Variants in GALNTL6 observed in about 807,000 individuals in gnomAD.
The protein encoded by GALNTL6 is polypeptide N-acetylgalactosaminyltransferase like 6, also known as polypeptide N-acetylgalactosaminyltransferase-like 6.
Under a neutral mutation model 73.7 loss-of-function variants are expected in GALNTL6, and 46 were observed. The ratio of observed to expected loss-of-function variants is 0.62; its 90% CI spans 0.49 to 0.80. GALNTL6 has a LOEUF of 0.80. GALNTL6 is among the 30% of genes least tolerant of loss of function. The pLI is 0.00. For synonymous variants in GALNTL6, 259 were observed against 263.7 expected (o/e 0.98, Z 0.17); for missense variants, 604 against 755.0 (o/e 0.80, Z 2.34).
intron 12 of GALNTL6, among the ~76,000 whole-genome samples, chr4:173,026,242 A>G (rs1234385174): frequency 6.6e-6 from 1 of 152,218 alleles, no homozygotes; most frequent in Non-Finnish European, 1.5e-5. Context: ...AGAGCCAATA[A>G]AGGGTGCATT....
At chr4:171,985,007 AG>A (rs1230550445) in intron 2 of GALNTL6, among the ~76,000 whole-genome samples, 17 of 151,736 alleles carry the variant, frequency 1.1e-4, no homozygotes, top group Admixed American at 2.0e-4. Flanking sequence ...AAAAAAAAAA[AG>A]AAAAGAAAAC....
At chr4:172,616,315 A>G (rs1738728236) in intron 5 of GALNTL6, among the ~76,000 whole-genome samples, 1 of 152,044 alleles carries the variant, frequency 6.6e-6, no homozygotes, top group South Asian at 2.1e-4. Context: ...TGTTTTTTAT[A>G]ACACCCCTTT....
intron 4 of GALNTL6, among the ~76,000 whole-genome samples, chr4:172,343,282 C>T (rs1475897627): frequency 6.6e-6 from 1 of 151,988 alleles, no homozygotes; most frequent in Non-Finnish European, 1.5e-5. Flanking sequence ...GTTGTAACAC[C>T]CTTTCCAAAA....
intron 2 of GALNTL6, among the ~76,000 whole-genome samples, chr4:172,105,617 T>C (rs1732654421): frequency 6.6e-6 from 1 of 151,888 alleles, no homozygotes; most frequent in Admixed American, 6.6e-5. Context: ...ACACAGATTA[T>C]CTACAAAAAG....
chr4:172,612,393 G>A (rs1310556207), intron 5 of GALNTL6, among the ~76,000 whole-genome samples: 1 of 152,132 alleles, frequency 6.6e-6, no homozygotes. Context: ...TACAGGTATA[G>A]TCTTGGAGCA....
chr4:172,117,859 A>G (rs1733029280), intron 2 of GALNTL6, among the ~76,000 whole-genome samples: 2 of 152,196 alleles, frequency 1.3e-5, no homozygotes, highest in South Asian at 2.1e-4. Flanking sequence ...AAACTAAACT[A>G]AAATGAAAAA....
chr4:172,779,704 C>T (rs1739274367), intron 5 of GALNTL6, among the ~76,000 whole-genome samples: 1 of 152,164 alleles, frequency 6.6e-6, no homozygotes, highest in African/African-American at 2.4e-5. Context: ...GTGCTGAAAG[C>T]CCATCTGTAA....
chr4:172,911,768 T>G (rs1167865958), intron 8 of GALNTL6, among the ~76,000 whole-genome samples: 1 of 152,268 alleles, frequency 6.6e-6, no homozygotes, highest in African/African-American at 2.4e-5. Context: ...ATTTTATGTC[T>G]ATTAGATATA....
intron 2 of GALNTL6, among the ~76,000 whole-genome samples, chr4:172,130,381 T>C (rs540002625): frequency 6.6e-6 from 1 of 152,054 alleles, no homozygotes; most frequent in Non-Finnish European, 1.5e-5. Context: ...CCAGGTAATC[T>C]GTAAAAAGAT....
At position 172,441,203 on chromosome 4, in the gene GALNTL6, CA is replaced by C. The variant is rs1731825298; in HGVS notation, c.553+92516del. The stretch of plus-strand genomic sequence containing the variant: ...TCTATTTCACTAAAGGTACTATCTT[CA>C]ATACTACCTTTACCATATCCAAATA... On this transcript the variant is annotated intron_variant, in intron 5 of 12. Coordinates refer to ENST00000506823, the MANE Select transcript of GALNTL6 (RefSeq NM_001034845.3). 2.0e-5 allele frequency among the ~76,000 whole-genome samples: 3 copies of C among 152,074 alleles called. No individual in the cohort carries two copies. In the Admixed American group the frequency reaches 2.0e-4, roughly 10 times the overall value.
chr4:172,906,397 T>A (rs1746895414), intron 8 of GALNTL6, among the ~76,000 whole-genome samples: 1 of 152,188 alleles, frequency 6.6e-6, no homozygotes, highest in African/African-American at 2.4e-5. Flanking sequence ...AAACTGACCT[T>A]CAAAAAGAAA....
chr4:172,516,564 A>T (rs1037884531), intron 5 of GALNTL6, among the ~76,000 whole-genome samples: 7 of 152,148 alleles, frequency 4.6e-5, no homozygotes, highest in African/African-American at 1.7e-4. Flanking sequence ...TAAGAAAAAA[A>T]TACATAGGTA....
At chr4:171,979,317 A>G (rs1560868713) in intron 2 of GALNTL6, among the ~76,000 whole-genome samples, 1 of 152,166 alleles carries the variant, frequency 6.6e-6, no homozygotes, top group South Asian at 2.1e-4. Flanking sequence ...AAACATTGTA[A>G]TTTCATACTT....
At chr4:173,015,647 G>T (rs1186263948) in intron 11 of GALNTL6, among the ~76,000 whole-genome samples, 1 of 152,118 alleles carries the variant, frequency 6.6e-6, no homozygotes, top group Non-Finnish European at 1.5e-5. Flanking sequence ...GATGATTTAG[G>T]GTATGTGGCA....
rs190725788 is a variant in GALNTL6, at chr4:171,827,721, T to A, written c.138+13003T>A. ...TCTTATCTAAAGGAAGTAACCTGGA[T>A]ACTATTCCAGCATTCAAGCTGAAAG... is the stretch of plus-strand genomic sequence containing the variant. On this transcript the variant is annotated intron_variant, in intron 2 of 12. Transcript: ENST00000506823. Among the ~76,000 whole-genome samples, 35 of 152,304 alleles carry A rather than the reference T, an allele frequency of 2.3e-4. No individual in the cohort carries two copies. The East Asian group carries it at 5.8e-3, about 25-fold the overall frequency.
intron 5 of GALNTL6, among the ~76,000 whole-genome samples, chr4:172,604,843 T>C (rs921359893): frequency 1.3e-5 from 2 of 152,190 alleles, no homozygotes; most frequent in African/African-American, 4.8e-5. Flanking sequence ...GAAATAGCAT[T>C]TCCACCATGG....
rs138082621 is a variant in GALNTL6 at position 172,429,314 on chromosome 4, C to T, written c.553+80625C>T. Reference sequence around the variant, plus strand: ...GCAACCTCTGCATTCCGGGTTCAAGCGATTCTCCTGCCTCAGCCTCCAGAG... The same window carrying T: ...GCAACCTCTGCATTCCGGGTTCAAGTGATTCTCCTGCCTCAGCCTCCAGAG... On this transcript the variant is annotated intron_variant, in intron 5 of 12. Transcript: ENST00000506823. Among the ~76,000 whole-genome samples, 551 of 151,870 alleles carry T rather than the reference C, an allele frequency of 3.6e-3. 2 individuals carry two copies. The highest frequency in any genetic ancestry group is 0.012 in the African/African-American group (507 of 41,402).
intron 5 of GALNTL6, among the ~76,000 whole-genome samples, chr4:172,411,257 T>C (rs1275630808): frequency 6.6e-6 from 1 of 152,104 alleles, no homozygotes; most frequent in Admixed American, 6.6e-5. Flanking sequence ...GAATATGCTC[T>C]TGTTATGGAA....
chr4:172,574,409 AAATT>A (rs1736885231), intron 5 of GALNTL6, among the ~76,000 whole-genome samples: 2 of 151,390 alleles, frequency 1.3e-5, no homozygotes, highest in South Asian at 4.1e-4. Context: ...CCACATAAAT[AAATT>A]GTTTATTATT....
Sources: allele counts gnomAD v4.1 joint callset (sites outside exome capture counted in the v4.1 genomes callset), GRCh38; gene constraint gnomAD v4.1.1; transcripts MANE v1.5; gene names NCBI Gene and HGNC (gene_info 2026-07-23, HGNC 2026-07-21).